Variants in VPS8 observed in about 807,000 individuals in gnomAD.
VPS8 encodes VPS8 subunit of CORVET complex.
In VPS8, 129 loss-of-function variants were observed where a neutral mutation model predicts 216.4. The ratio of observed to expected loss-of-function variants is 0.60; its 90% CI spans 0.52 to 0.69. VPS8 has a LOEUF of 0.69. Ranked by LOEUF, VPS8 falls within the 30% of genes least tolerant of loss-of-function variation. VPS8 has a pLI of 0.00. For synonymous variants in VPS8, 571 were observed against 565.4 expected (o/e 1.01, Z -0.14); for missense variants, 1,531 against 1,683.5 (o/e 0.91, Z 1.59).
chr3:185,028,743 A>G (rs552206572), intron 46 of VPS8, among the ~76,000 whole-genome samples: 1 of 152,278 alleles, frequency 6.6e-6, no homozygotes, highest in South Asian at 2.1e-4. Flanking sequence ...ATTAGTCCCT[A>G]CCAATACCTG....
chr3:185,013,533 T>C (rs936106526), intron 45 of VPS8, among the ~76,000 whole-genome samples: 1 of 152,246 alleles, frequency 6.6e-6, no homozygotes, highest in African/African-American at 2.4e-5. Context: ...CAGGTGTGTC[T>C]GGGATACTTT....
At chr3:184,940,425 A>T (rs912405918) in intron 36 of VPS8, among the ~76,000 whole-genome samples, 182 bp downstream of exon 36, 8 of 152,178 alleles carry the variant, frequency 5.3e-5, no homozygotes, top group African/African-American at 1.9e-4. Context: ...GATAGATTAT[A>T]TCTTGAGATA....
chr3:185,042,526 G>A (rs80288863), intron 46 of VPS8, among the ~76,000 whole-genome samples: 6,352 of 152,314 alleles, frequency 0.042, 171 homozygotes, highest in Non-Finnish European at 0.061. Flanking sequence ...GTCCCCGTTT[G>A]TAATGGTCCT....
chr3:184,825,893 T>C (rs1325269634), intron 2 of VPS8, among the ~76,000 whole-genome samples: 1 of 150,304 alleles, frequency 6.7e-6, no homozygotes, highest in East Asian at 1.9e-4. Flanking sequence ...ACAGCAAGAC[T>C]CTGTCTCAAA....
chr3:184,970,070 C>T (rs891510198), intron 39 of VPS8, among the ~76,000 whole-genome samples: 1 of 151,694 alleles, frequency 6.6e-6, no homozygotes, highest in Non-Finnish European at 1.5e-5. Context: ...GCCACCACAC[C>T]CAGCTAATTT....
chr3:184,837,025 A>T (rs902368376), intron 5 of VPS8, among the ~76,000 whole-genome samples: 2 of 152,200 alleles, frequency 1.3e-5, no homozygotes, highest in South Asian at 4.1e-4. Flanking sequence ...CGTCCACTGT[A>T]TAAGAATCTC....
At chr3:184,998,479 T>TTATATA (rs10530534) in intron 44 of VPS8, among the ~76,000 whole-genome samples, 18 of 135,002 alleles carry the variant, frequency 1.3e-4, no homozygotes, top group East Asian at 4.3e-4. Context: ...AAGAGGAAGT[T>TTATATA]TATATATATA....
chr3:185,014,180 TCA>T (rs1755449548), intron 45 of VPS8, among the ~76,000 whole-genome samples: 2 of 152,234 alleles, frequency 1.3e-5, no homozygotes, highest in African/African-American at 4.8e-5. Flanking sequence ...GCAATGGTAA[TCA>T]CCACTATCAT....
At chr3:184,914,452 G>T (rs1374574342) in intron 26 of VPS8, among the ~76,000 whole-genome samples, 3 of 152,194 alleles carry the variant, frequency 2.0e-5, no homozygotes, top group Admixed American at 2.0e-4. Context: ...CATGAAGAAG[G>T]TTTGATTTGG....
At chr3:184,958,101 T>C (rs753983756) in intron 37 of VPS8, among the ~76,000 whole-genome samples, 3 of 152,220 alleles carry the variant, frequency 2.0e-5, no homozygotes, top group Non-Finnish European at 2.9e-5. Context: ...ACTTTACTTT[T>C]AGAAAGTTTC....
intron 29 of VPS8, among the ~76,000 whole-genome samples, chr3:184,921,320 T>A (rs1738559646): frequency 6.6e-6 from 1 of 152,200 alleles, no homozygotes; most frequent in Non-Finnish European, 1.5e-5. Flanking sequence ...AGTATTACAC[T>A]TAGTACGTGA....
intron 42 of VPS8, among the ~76,000 whole-genome samples, chr3:184,987,937 G>A (rs920977575): frequency 3.3e-5 from 5 of 152,228 alleles, no homozygotes; most frequent in Admixed American, 2.0e-4. Flanking sequence ...TAGACGTGTA[G>A]TAGTCTCATC....
intron 36 of VPS8, among the ~76,000 whole-genome samples, chr3:184,955,468 A>G (rs1164233712): frequency 6.6e-6 from 1 of 152,038 alleles, no homozygotes; most frequent in Non-Finnish European, 1.5e-5. Context: ...CTTATCACTT[A>G]GAAGATTCAT....
chr3:185,021,495 A>G (rs1201930177), intron 45 of VPS8, among the ~76,000 whole-genome samples: 4 of 152,228 alleles, frequency 2.6e-5, no homozygotes, highest in Non-Finnish European at 5.9e-5. Context: ...AAGCTTAAAT[A>G]TCTACTTTGC....
At chr3:184,989,887 A>G (rs1189326783) in intron 42 of VPS8, among the ~76,000 whole-genome samples, 4 of 151,990 alleles carry the variant, frequency 2.6e-5, no homozygotes, top group Non-Finnish European at 5.9e-5. Flanking sequence ...CCTGGCTAAC[A>G]CGGTGAAAAC....
chr3:184,908,423 C>T (rs1326412564), intron 25 of VPS8, among the ~76,000 whole-genome samples: 1 of 152,238 alleles, frequency 6.6e-6, no homozygotes, highest in Non-Finnish European at 1.5e-5. Context: ...AGTGCTGACA[C>T]AGGAACAAGC....
intron 1 of VPS8, among the ~76,000 whole-genome samples, chr3:184,813,590 G>A (rs943267891): frequency 2.0e-5 from 3 of 152,186 alleles, no homozygotes; most frequent in African/African-American, 7.2e-5. Context: ...AAAAAAATTC[G>A]TTGAACTACT....
chr3:184,964,243 A>T (rs187493361), intron 37 of VPS8, among the ~76,000 whole-genome samples: 6 of 152,118 alleles, frequency 3.9e-5, no homozygotes, highest in Admixed American at 6.5e-5. Flanking sequence ...ACATTTTTTT[A>T]AAATAAATAA....
chr3:185,041,648 G>A (rs1711649113), intron 46 of VPS8, among the ~76,000 whole-genome samples: 2 of 152,174 alleles, frequency 1.3e-5, no homozygotes. Flanking sequence ...GCCACTAGCA[G>A]CCTGTTACTG....
Sources: allele counts gnomAD v4.1 joint callset (sites outside exome capture counted in the v4.1 genomes callset), GRCh38; gene constraint gnomAD v4.1.1; transcripts MANE v1.5; gene names NCBI Gene and HGNC (gene_info 2026-07-23, HGNC 2026-07-21).